Variants in ADCY5 observed in about 807,000 individuals in gnomAD.
ADCY5 encodes the protein adenylate cyclase 5.
ADCY5 carries 30 observed loss-of-function variants against 119.7 expected under a neutral mutation model. That is an observed-to-expected ratio of 0.25 (90% confidence interval 0.19 to 0.34). The LOEUF (loss-of-function observed/expected upper bound fraction) is 0.34. Ranked by LOEUF, ADCY5 falls within the 10% of genes least tolerant of loss-of-function variation. ADCY5 has a pLI of 1.00. For missense variants in ADCY5, 1,324 were observed against 1,775.2 expected, an observed-to-expected ratio of 0.75 and a Z score of 4.57; for synonymous variants, 753 against 762.2, an observed-to-expected ratio of 0.99 and a Z score of 0.20.
intron 1 of ADCY5, among the ~76,000 whole-genome samples, chr3:123,437,478 C>T (rs1945639340): frequency 6.6e-6 from 1 of 152,074 alleles, no homozygotes; most frequent in Non-Finnish European, 1.5e-5. Flanking sequence ...GCTGTGTGAC[C>T]TTGGGGAGGT....
Position 123,284,491 on chromosome 3 carries a change from TCTC to T in ADCY5, c.*114_*116del, listed in dbSNP as rs1938596201. 6.8e-7 allele frequency: 1 copy of T among 1,475,792 alleles called. No homozygotes were observed. The highest frequency in any genetic ancestry group is 9.1e-7 in the Non-Finnish European group (1 of 1,096,320). 91.4% of individuals were successfully genotyped at this position (1,475,792 alleles called of 1,614,324 possible). A position where few individuals can be genotyped will look rare whatever the true frequency, so the allele number is the denominator to read the frequency against. On this transcript the variant is annotated 3_prime_UTR_variant, in exon 21 of 21. Coordinates refer to ENST00000462833, the MANE Select transcript of ADCY5 (RefSeq NM_183357.3). ...GCTGCTCTGGAGTCCAAGTGGAAAA[TCTC>T]AGCAGCGCAGCCCTGCGGGCTGGAG... is the stretch of plus-strand genomic sequence containing the variant.
chr3:123,289,196 T>C lies in ADCY5; in HGVS notation c.3532+554A>G, dbSNP rs148747206. ...TTGCAGATTACATGTTTGATGTTGT[T>C]CTACATTTGCAAATTTAATGACTGG... On this transcript the variant is annotated intron_variant, in intron 19 of 20. Coordinates refer to ENST00000462833, the MANE Select transcript of ADCY5 (RefSeq NM_183357.3). 1.1e-3 allele frequency among the ~76,000 whole-genome samples: 165 copies of C among 152,396 alleles called. 1 individual carries two copies. The highest frequency in any genetic ancestry group is 3.8e-3 in the African/African-American group (160 of 41,600).
Position 123,291,526 on chromosome 3 carries a change from C to T in ADCY5, c.3064-150G>A, listed in dbSNP as rs1027320405. On this transcript the variant is annotated intron_variant, in intron 17 of 20. Coordinates refer to ENST00000462833, the MANE Select transcript of ADCY5 (RefSeq NM_183357.3). ...GATGTTGGCAAGTACCGCTGTCTCT[C>T]CTCCTCTCTCTGCTGTTTCTACTTC... 74 of 910,988 alleles carry T rather than the reference C, an allele frequency of 8.1e-5. No homozygotes were observed. The African/African-American group carries it at 1.1e-3, about 14-fold the overall frequency. 56.4% of individuals were successfully genotyped at this position (910,988 alleles called of 1,614,324 possible).
intron 1 of ADCY5, among the ~76,000 whole-genome samples, chr3:123,403,818 T>C (rs1475569531): frequency 6.6e-6 from 1 of 152,150 alleles, no homozygotes; most frequent in East Asian, 1.9e-4. Flanking sequence ...TTCCTGTATG[T>C]CTTTGTCACA....
intron 1 of ADCY5, among the ~76,000 whole-genome samples, chr3:123,392,754 C>A (rs1944432297): frequency 1.3e-5 from 2 of 152,174 alleles, no homozygotes; most frequent in Admixed American, 1.3e-4. Context: ...CTCTCTCTCT[C>A]TCCCTCCACC....
intron 1 of ADCY5, among the ~76,000 whole-genome samples, chr3:123,402,055 CCT>C (rs1944771275): frequency 6.6e-6 from 1 of 152,074 alleles, no homozygotes; most frequent in African/African-American, 2.4e-5. Context: ...GCTGGGCACC[CCT>C]GAGAGCTTAA....
chr3:123,378,857 C>G (rs1197990005), intron 1 of ADCY5, among the ~76,000 whole-genome samples: 4 of 152,204 alleles, frequency 2.6e-5, no homozygotes, highest in Non-Finnish European at 2.9e-5. Context: ...AACATTCCCC[C>G]TTGCCAGGGT....
rs56140025 is a variant in ADCY5, at chr3:123,284,840, G to A, written c.3658-104C>T. On this transcript the variant is annotated intron_variant, in intron 20 of 20. Transcript: ENST00000462833. ...ACTGCCCAGCCCTGTTGCCGCCCCT[G>A]ACACAGAAGGAGAGGGGCAGCTGCC... The A allele has an allele frequency of 2.2e-3, 3,282 of 1,474,040 alleles. 57 individuals carry two copies. The African/African-American group carries it at 0.037, about 17-fold the overall frequency. 91.3% of individuals were successfully genotyped at this position (1,474,040 alleles called of 1,614,324 possible).
chr3:123,396,014 G>GAAAGAGAGAA (rs1944539045), intron 1 of ADCY5, among the ~76,000 whole-genome samples: 1 of 107,370 alleles, frequency 9.3e-6, no homozygotes, highest in African/African-American at 4.2e-5. Flanking sequence ...AAGAGAGAAA[G>GAAAGAGAGAA]AGAGAGGGAG....
At chr3:123,432,927 C>T (rs1945548761) in intron 1 of ADCY5, among the ~76,000 whole-genome samples, 1 of 152,128 alleles carries the variant, frequency 6.6e-6, no homozygotes, top group South Asian at 2.1e-4. Flanking sequence ...CAGAGGGACC[C>T]CTTCCTGCCA....
At chr3:123,383,012 A>G (rs1358384105) in intron 1 of ADCY5, among the ~76,000 whole-genome samples, 1 of 152,202 alleles carries the variant, frequency 6.6e-6, no homozygotes, top group Non-Finnish European at 1.5e-5. Flanking sequence ...TTCCAGGCCC[A>G]TATCTCCCAC....
At chr3:123,396,578 G>GA in intron 1 of ADCY5, among the ~76,000 whole-genome samples, 1 of 106,682 alleles carries the variant, frequency 9.4e-6, no homozygotes, top group African/African-American at 3.5e-5. Context: ...GGAAGAAAAA[G>GA]AAAAGAAAAG....
At position 123,291,127 on chromosome 3, in the gene ADCY5, C is replaced by T. The variant is rs1451387994; in HGVS notation, c.3313G>A (p.Ala1105Thr). ...ECLRLLNEII[A>T]DFDEIISEDR... ...CCGCTGTGCACCTCATCAAAGTCAG[C>T]GATGATCTCATTGAGTAGCCGCAGG... The change falls in exon 18 of 21, where the codon GCT (alanine) becomes ACT (threonine). Residue 1105 changes from alanine (A) to threonine (T), a missense_variant. This residue lies in a region of ADCY5 where 178 missense variants were observed against 329.6 expected (regional missense o/e 0.54). Coordinates refer to ENST00000462833, the MANE Select transcript of ADCY5 (RefSeq NM_183357.3). 3 of 1,613,188 alleles carry T rather than the reference C, an allele frequency of 1.9e-6. No homozygotes were observed. Among genetic ancestry groups the T allele is most frequent in the Non-Finnish European group, 2.5e-6 (3 of 1,179,534 alleles).
At chr3:123,361,596 T>C (rs1429577637) in intron 1 of ADCY5, among the ~76,000 whole-genome samples, 1 of 151,892 alleles carries the variant, frequency 6.6e-6, no homozygotes, top group Non-Finnish European at 1.5e-5. Flanking sequence ...GGCCTCTGTG[T>C]CTGGCTTTTC....
At chr3:123,376,412 G>A (rs1303060992) in intron 1 of ADCY5, among the ~76,000 whole-genome samples, 1 of 113,680 alleles carries the variant, frequency 8.8e-6, no homozygotes, top group African/African-American at 3.0e-5. Flanking sequence ...ATTTGTAAGA[G>A]AAATCAAAAT....
intron 10 of ADCY5, 27 bp from the exon 11 acceptor site, chr3:123,318,144 GGGCCAAGGTACCT>G (rs772395883): frequency 6.3e-7 from 1 of 1,588,070 alleles, no homozygotes; most frequent in Non-Finnish European, 8.6e-7. Context: ...AGGGTGAGAG[GGGCCAAGGTACCT>G]GGCCCGGTCT....
chr3:123,330,835 C>G lies in ADCY5; in HGVS notation c.1646+54G>C, dbSNP rs201213633. On this transcript the variant is annotated intron_variant, in intron 5 of 20. Coordinates refer to ENST00000462833, the MANE Select transcript of ADCY5 (RefSeq NM_183357.3). ...GCAGCCGGCAGGTCAGTCAGTCGCT[C>G]GGGCTGTGGACAGTCCCAGGGAGGG... 3.9e-6 allele frequency: 6 copies of G among 1,524,112 alleles called. No homozygotes were observed. In the Admixed American group the frequency reaches 1.1e-4, roughly 27 times the overall value. 94.4% of individuals were successfully genotyped at this position (1,524,112 alleles called of 1,614,324 possible).
intron 1 of ADCY5, among the ~76,000 whole-genome samples, chr3:123,427,487 C>G (rs748593081): frequency 5.9e-5 from 9 of 152,170 alleles, no homozygotes; most frequent in Non-Finnish European, 1.2e-4. Context: ...CCTGCTGTTA[C>G]CTGTGTGAGG....
chr3:123,336,930 C>A (rs1942056070), intron 3 of ADCY5, among the ~76,000 whole-genome samples: 1 of 152,204 alleles, frequency 6.6e-6, no homozygotes, highest in Non-Finnish European at 1.5e-5. Context: ...TACCCCCAGC[C>A]CCAGAGATTC....
Sources: gnomAD v4.1 joint callset for allele counts (sites outside exome capture counted in the v4.1 genomes callset) on GRCh38, gnomAD v4.1.1 for gene constraint, gnomAD v4.1.1 regional missense constraint, MANE v1.5 for transcripts, NCBI Gene and HGNC (gene_info 2026-07-23, HGNC 2026-07-21) for gene names.